The following ZNF670 variants were observed in gnomAD, a reference collection of about 807,000 sequenced individuals.
ZNF670 encodes the protein zinc finger protein 670.
A neutral mutation model predicts 10.9 loss-of-function variants in ZNF670; 7 were observed. The ratio of observed to expected loss-of-function variants is 0.64; its 90% CI spans 0.36 to 1.20. The LOEUF is 1.20. ZNF670 is among the 50% of genes most tolerant of loss of function. The pLI is 0.02. For missense variants in ZNF670, 446 were observed against 458.6 expected (o/e 0.97, Z 0.25); for synonymous variants, 136 against 152.7 (o/e 0.89, Z 0.81).
Position 247,037,535 on chromosome 1 carries a change from C to T in ZNF670, c.1084G>A (p.Glu362Lys). 1 of 1,614,106 alleles carries T rather than the reference C, an allele frequency of 6.2e-7. No homozygotes were observed. Among genetic ancestry groups the T allele is most frequent in the South Asian group, 1.1e-5 (1 of 91,076 alleles). ...CATTTCTTACATTCATAGGGTTTTT[C>T]TCCAGTATGAGTCCTTTCATGGCTT... ...LRSHERTHTG[E>K]KPYECKKCGK... Residue 362 changes from glutamate to lysine, a missense_variant, in exon 4 of 4, where the codon GAA becomes AAA. Coordinates refer to ENST00000366503, the MANE Select transcript of ZNF670 (RefSeq NM_033213.5).
chr1:247,077,878 C>G (rs1171862157), intron 1 of ZNF670, among the ~76,000 whole-genome samples: 1 of 152,152 alleles, frequency 6.6e-6, no homozygotes, highest in East Asian at 1.9e-4. Flanking sequence ...GTCCAAGACT[C>G]CATCATACAC....
intron 1 of ZNF670, among the ~76,000 whole-genome samples, chr1:247,076,064 C>A (rs945154301): frequency 6.6e-6 from 1 of 152,010 alleles, no homozygotes; most frequent in African/African-American, 2.4e-5. Flanking sequence ...TGAAACTGAA[C>A]TAAGTGAATA....
rs540101946 is a variant in ZNF670, at chr1:247,064,377, G to A, written c.3+14217C>T. Among the ~76,000 whole-genome samples the A allele has an allele frequency of 2.0e-5, 3 of 152,352 alleles. No individual in the cohort carries two copies. The South Asian group carries it at 6.2e-4, about 32-fold the overall frequency. ...TTGCTACTGAGCTTCTGACTGGATA[G>A]GGCTTCACATGCCTCTGCTCCTTCC... On this transcript the variant is annotated intron_variant, in intron 1 of 3. Transcript: ENST00000366503.
chr1:247,065,814 A>G (rs1035286956), intron 1 of ZNF670, among the ~76,000 whole-genome samples: 1 of 152,256 alleles, frequency 6.6e-6, no homozygotes, highest in Non-Finnish European at 1.5e-5. Context: ...GAATAAACAC[A>G]TATTTATGAA....
At chr1:247,066,792 C>G (rs921003279) in intron 1 of ZNF670, among the ~76,000 whole-genome samples, 1 of 152,208 alleles carries the variant, frequency 6.6e-6, no homozygotes, top group African/African-American at 2.4e-5. Flanking sequence ...TCTATTCTTT[C>G]TGAAGCCTGC....
At chr1:247,072,873 T>C (rs1019453947) in intron 1 of ZNF670, among the ~76,000 whole-genome samples, 10 of 108,198 alleles carry the variant, frequency 9.2e-5, no homozygotes, top group Non-Finnish European at 1.9e-4. Context: ...CACACAAACA[T>C]CTTTTCGGCA....
chr1:247,036,851 T>G lies in ZNF670; in HGVS notation c.*598A>C, dbSNP rs2103049606. 7.5e-6 allele frequency: 1 copy of G among 132,552 alleles called. No homozygotes were observed. The highest frequency in any genetic ancestry group is 2.0e-4 in the East Asian group (1 of 5,046). The allele number at this position is 132,552 out of a possible 1,614,324, so 8.2% of individuals were successfully genotyped here. A position where few individuals can be genotyped will look rare whatever the true frequency, so the allele number is the denominator to read the frequency against. On this transcript the variant is annotated 3_prime_UTR_variant, in exon 4 of 4. Coordinates refer to ENST00000366503, the MANE Select transcript of ZNF670 (RefSeq NM_033213.5). The stretch of plus-strand genomic sequence containing the variant: ...AAAATCTTTACAACAAAAAAGTAGT[T>G]TTCCCATAAAAAGGTAGAATACACA...
rs775658364 is a variant in ZNF670, at chr1:247,035,102, T to C, written c.*2347A>G. Among the ~76,000 whole-genome samples the C allele has an allele frequency of 1.2e-4, 18 of 152,186 alleles. No homozygotes were observed. The highest frequency in any genetic ancestry group is 2.6e-4 in the Non-Finnish European group (18 of 68,030). On this transcript the variant is annotated 3_prime_UTR_variant, in exon 4 of 4. Coordinates refer to ENST00000366503, the MANE Select transcript of ZNF670 (RefSeq NM_033213.5). ...CTGTTTCTAATTCAGGTGACTTCTGTTATATTATGGAACCAGTTAGACAAA... is the reference window on the plus strand; with the variant it reads ...CTGTTTCTAATTCAGGTGACTTCTGCTATATTATGGAACCAGTTAGACAAA...
intron 2 of ZNF670, 103 bp from the exon 3 acceptor site, chr1:247,038,973 A>G: frequency 4.1e-6 from 3 of 728,464 alleles, no homozygotes; most frequent in Non-Finnish European, 6.5e-6. Flanking sequence ...TTTTTTCACC[A>G]AAGTACTCCC....
intron 1 of ZNF670, among the ~76,000 whole-genome samples, chr1:247,070,742 C>T (rs1005932589): frequency 3.3e-5 from 5 of 152,070 alleles, no homozygotes; most frequent in Admixed American, 2.0e-4. Context: ...TATCTGACAA[C>T]GGTTTAATAT....
chr1:247,042,345 C>A (rs1254690390), intron 1 of ZNF670, among the ~76,000 whole-genome samples: 1 of 152,170 alleles, frequency 6.6e-6, no homozygotes, highest in Non-Finnish European at 1.5e-5. Context: ...TGGGCAATGT[C>A]TGAACATTCT....
chr1:247,039,233 A>AT (rs1214890489), intron 2 of ZNF670, among the ~76,000 whole-genome samples, 178 bp downstream of exon 2: 42 of 151,142 alleles, frequency 2.8e-4, no homozygotes, highest in Middle Eastern at 6.9e-3. Context: ...TAATTTTTTT[A>AT]TTTTTTTGGT....
intron 2 of ZNF670, among the ~76,000 whole-genome samples, 190 bp from the exon 3 acceptor site, chr1:247,039,060 C>CTTAT (rs1670240566): frequency 8.0e-6 from 1 of 125,642 alleles, no homozygotes; most frequent in Non-Finnish European, 1.6e-5. Flanking sequence ...TTCTTTCTTT[C>CTTAT]TTTTTTTTTT....
rs76525087 is a variant in ZNF670 at position 247,072,202 on chromosome 1, G to A, written c.3+6392C>T. ...GTCTCACTATGTTGCCCAGGCTAAA[G>A]TGCAATGGTGCAATTACAGCTCACT... On this transcript the variant is annotated intron_variant, in intron 1 of 3. Coordinates refer to ENST00000366503, the MANE Select transcript of ZNF670 (RefSeq NM_033213.5). Among the ~76,000 whole-genome samples the A allele has an allele frequency of 6.6e-3, 1,001 of 151,538 alleles. 14 individuals are homozygous for A. Among genetic ancestry groups the A allele is most frequent in the African/African-American group, 0.022 (926 of 41,308 alleles).
intron 1 of ZNF670, among the ~76,000 whole-genome samples, chr1:247,071,764 T>C (rs1032251018): frequency 6.6e-6 from 1 of 152,252 alleles, no homozygotes; most frequent in Non-Finnish European, 1.5e-5. Context: ...GTTATCTATT[T>C]TGAATTTTCA....
At position 247,059,692 on chromosome 1, in the gene ZNF670, A is replaced by T. The variant is rs1028445088; in HGVS notation, c.3+18902T>A. 2.0e-5 allele frequency among the ~76,000 whole-genome samples: 3 copies of T among 152,272 alleles called. No individual in the cohort carries two copies. In the East Asian group the frequency reaches 5.8e-4, roughly 29 times the overall value. Reference sequence around the variant, plus strand: ...GCAGATGAAGCCACTGAAATTGAGAAAGGATAAATAAAACTGCCTTTCTGC... The same window carrying T: ...GCAGATGAAGCCACTGAAATTGAGATAGGATAAATAAAACTGCCTTTCTGC... On this transcript the variant is annotated intron_variant, in intron 1 of 3. Coordinates refer to ENST00000366503, the MANE Select transcript of ZNF670 (RefSeq NM_033213.5).
At chr1:247,069,524 A>G (rs1179871169) in intron 1 of ZNF670, among the ~76,000 whole-genome samples, 1 of 151,192 alleles carries the variant, frequency 6.6e-6, no homozygotes, top group Non-Finnish European at 1.5e-5. Context: ...GGAAACCAGT[A>G]TGTCAAAGAG....
At chr1:247,043,825 C>A in intron 1 of ZNF670, 1 of 349,688 alleles carries the variant, frequency 2.9e-6, no homozygotes. Flanking sequence ...AACCATAAGC[C>A]TCATCTGCCA....
At position 247,035,022 on chromosome 1, in the gene ZNF670, A is replaced by G. The variant is rs1425617042; in HGVS notation, c.*2427T>C. On this transcript the variant is annotated 3_prime_UTR_variant, in exon 4 of 4. Transcript: ENST00000366503. Reference sequence around the variant, plus strand: ...AGTTCTACTGTGGGAAGAGGTGGCAACAGCTGATAACACAAAGCACTGTGT... The same window carrying G: ...AGTTCTACTGTGGGAAGAGGTGGCAGCAGCTGATAACACAAAGCACTGTGT... Among the ~76,000 whole-genome samples the G allele has an allele frequency of 6.6e-6, 1 of 152,206 alleles. No homozygotes were observed. The highest frequency in any genetic ancestry group is 2.4e-5 in the African/African-American group (1 of 41,446).
Sources: gnomAD v4.1 joint callset for allele counts (sites outside exome capture counted in the v4.1 genomes callset) on GRCh38, gnomAD v4.1.1 for gene constraint, MANE v1.5 for transcripts, NCBI Gene and HGNC (gene_info 2026-07-23, HGNC 2026-07-21) for gene names.